Variants in PPIG observed in about 807,000 individuals in gnomAD.
PPIG encodes the protein peptidyl-prolyl cis-trans isomerase G.
A neutral mutation model predicts 87.9 loss-of-function variants in PPIG; 26 were observed. The observed-to-expected ratio is 0.30, with a 90% CI of 0.22 to 0.41. The LOEUF (loss-of-function observed/expected upper bound fraction) is 0.41. Among genes scored for constraint, PPIG ranks in the 10% least tolerant of loss-of-function variants. The pLI is 1.00. For missense variants in PPIG, 722 were observed against 879.4 expected, an observed-to-expected ratio of 0.82 and a Z score of 2.26; for synonymous variants, 308 against 276.5, an observed-to-expected ratio of 1.11 and a Z score of -1.13.
rs1359486183 is a variant in PPIG, at chr2:169,637,426, A to C, written c.2168A>C (p.Gln723Pro). 1 of 1,612,722 alleles carries C rather than the reference A, an allele frequency of 6.2e-7. No individual in the cohort carries two copies. Reference protein sequence around the residue: ...KIRSSVEKENQKSKGQENDHV... With the variant: ...KIRSSVEKENPKSKGQENDHV... ...AGATCCTCAGTGGAAAAAGAAAACC[A>C]AAAATCAAAAGGTCAAGAAAATGAC... Residue 723 changes from glutamine (Q) to proline (P), a missense_variant, in exon 14 of 14, where the codon CAA becomes CCA. Gln to Pro is a moderately conservative substitution (Grantham distance 76, BLOSUM62 -1). Transcript: ENST00000260970.
chr2:169,594,785 C>A (rs115248766), intron 1 of PPIG, among the ~76,000 whole-genome samples: 2 of 151,790 alleles, frequency 1.3e-5, no homozygotes, highest in Admixed American at 6.6e-5. Flanking sequence ...TCACTACGCT[C>A]AGCTAATTTT....
At position 169,638,537 on chromosome 2, in the gene PPIG, A is replaced by T. The variant is rs1686242563; in HGVS notation, c.*1014A>T. The T allele has an allele frequency of 6.6e-6, 1 of 151,960 alleles. No homozygotes were observed. Among genetic ancestry groups the T allele is most frequent in the African/African-American group, 2.4e-5 (1 of 41,406 alleles). 9.4% of individuals were successfully genotyped at this position (151,960 alleles called of 1,614,324 possible). On this transcript the variant is annotated 3_prime_UTR_variant, in exon 14 of 14. Transcript: ENST00000260970. ...TTGAACTGACTTCTCTAACTCTCAT[A>T]GCTGTGAGTTCCAAATGGCAAGAAA...
At chr2:169,627,772 A>T (rs1200918776) in intron 9 of PPIG, among the ~76,000 whole-genome samples, 3 of 140,702 alleles carry the variant, frequency 2.1e-5, no homozygotes, top group Non-Finnish European at 4.5e-5. Context: ...ATCAACTGTG[A>T]TGTATTTCTC....
Position 169,606,072 on chromosome 2 carries a change from C to A in PPIG, c.170C>A (p.Pro57Gln), listed in dbSNP as rs1374227872. 6.2e-7 allele frequency: 1 copy of A among 1,613,018 alleles called. No homozygotes were observed. Among genetic ancestry groups the A allele is most frequent in the South Asian group, 1.1e-5 (1 of 91,062 alleles). The part of the protein sequence containing the change: ...EKGTGKSTQK[P>Q]LHYKSCLFHR... ...GGGACCGGGAAATCAACTCAGAAAC[C>A]ATTACATTATAAGAGTTGTCTCTTT... is the stretch of plus-strand genomic sequence containing the variant. The change falls in exon 5 of 14, where the codon CCA becomes CAA. Residue 57 changes from proline to glutamine, a missense_variant. This residue lies in a region of PPIG where 99 missense variants were observed against 215.8 expected (regional missense o/e 0.46). Transcript: ENST00000260970.
At chr2:169,605,466 G>A (rs928269825) in intron 4 of PPIG, among the ~76,000 whole-genome samples, 15 of 152,122 alleles carry the variant, frequency 9.9e-5, no homozygotes, top group Admixed American at 9.8e-4. Context: ...TCACTCCACT[G>A]CACTCCAGCC....
intron 9 of PPIG, among the ~76,000 whole-genome samples, chr2:169,622,508 C>T (rs1685783654): frequency 6.6e-6 from 1 of 152,198 alleles, no homozygotes; most frequent in Non-Finnish European, 1.5e-5. Context: ...GTTGATGTAA[C>T]ATCCAACTGT....
In PPIG at chr2:169,614,475, C is replaced by T; in HGVS notation, c.389C>T (p.Pro130Leu). Residue 130 changes from proline (P) to leucine (L), a missense_variant, in exon 8 of 14, where the codon CCA becomes CTA. This residue lies in a region of PPIG where 99 missense variants were observed against 215.8 expected (regional missense o/e 0.46). Coordinates refer to ENST00000260970, the MANE Select transcript of PPIG (RefSeq NM_004792.3). ...NGSQFFITTK[P>L]TPHLDGHHVV... ...ATGATTTCCAAAAGAACAACGAAAC[C>T]AACTCCTCATTTAGATGGGTAAATA... 1 of 1,563,064 alleles carries T rather than the reference C, an allele frequency of 6.4e-7. No individual in the cohort carries two copies. Among genetic ancestry groups the T allele is most frequent in the African/African-American group, 1.4e-5 (1 of 73,028 alleles).
At chr2:169,598,815 T>G (rs7581897) in intron 1 of PPIG, among the ~76,000 whole-genome samples, 22,779 of 104,008 alleles carry the variant, frequency 0.22, 1,876 homozygotes, top group African/African-American at 0.26. Context: ...ATATTTATAT[T>G]TATATAAATA....
rs750137294 is a variant in PPIG at position 169,638,996 on chromosome 2, A to G, written c.*1473A>G. On this transcript the variant is annotated 3_prime_UTR_variant, in exon 14 of 14. Transcript: ENST00000260970. ...TCTTGGTAAATCCAGTAGCTACTCA[A>G]TGCTATTTGTACTGAATAAAGCAAT... The G allele has an allele frequency of 6.6e-6, 1 of 152,026 alleles. No individual in the cohort carries two copies. The highest frequency in any genetic ancestry group is 6.6e-5 in the Admixed American group (1 of 15,242). The allele number at this position is 152,026 out of a possible 1,614,324, so 9.4% of individuals were successfully genotyped here.
intron 9 of PPIG, among the ~76,000 whole-genome samples, chr2:169,627,655 G>A (rs1224175039): frequency 1.3e-5 from 2 of 148,170 alleles, no homozygotes; most frequent in Admixed American, 1.3e-4. Flanking sequence ...GCCTCCCAAA[G>A]TGCTGGAATT....
At chr2:169,617,102 A>G (rs1208271221) in intron 9 of PPIG, among the ~76,000 whole-genome samples, 4 of 152,176 alleles carry the variant, frequency 2.6e-5, no homozygotes, top group Admixed American at 2.0e-4. Context: ...TCCTAACACC[A>G]TTTACTAAAT....
At chr2:169,593,142 AT>A (rs1367594157) in intron 1 of PPIG, among the ~76,000 whole-genome samples, 8 of 150,992 alleles carry the variant, frequency 5.3e-5, no homozygotes, top group African/African-American at 2.0e-4. Flanking sequence ...ATATATATAT[AT>A]CTTAGGAATT....
Position 169,636,559 on chromosome 2 carries a change from AAGAG to A in PPIG, c.1307_1310del (p.Arg436ThrfsTer16). On this transcript the variant is annotated frameshift_variant, in exon 14 of 14. Transcript: ENST00000260970. LOFTEE classifies it high-confidence loss of function. ...GTTAAAGACCATAAATCTAACAGCA[AAGAG>A]AGAGACATCAGAAGAAATTCAGAAA... 6.2e-7 allele frequency: 1 copy of A among 1,606,512 alleles called. No individual in the cohort carries two copies. The highest frequency in any genetic ancestry group is 8.5e-7 in the Non-Finnish European group (1 of 1,178,264).
At chr2:169,597,024 C>G (rs1685038519) in intron 1 of PPIG, among the ~76,000 whole-genome samples, 1 of 125,498 alleles carries the variant, frequency 8.0e-6, no homozygotes, top group Non-Finnish European at 1.8e-5. Context: ...ATCTGGTAAT[C>G]TGTTGATAGA....
rs1685071931 is a variant in PPIG at position 169,598,053 on chromosome 2, T to C, written c.-69-5589T>C. The stretch of plus-strand genomic sequence containing the variant: ...TCCCACTCTGTCGCCCAATCTGGAG[T>C]GCCATGGCACAATCTCAGCTCACTG... On this transcript the variant is annotated intron_variant, in intron 1 of 13. Transcript: ENST00000260970. Among the ~76,000 whole-genome samples, 6 of 150,070 alleles carry C rather than the reference T, an allele frequency of 4.0e-5. No homozygotes were observed. The Admixed American group carries it at 4.0e-4, about 10-fold the overall frequency.
At chr2:169,610,559 C>T (rs1344137700) in intron 7 of PPIG, among the ~76,000 whole-genome samples, 1 of 151,570 alleles carries the variant, frequency 6.6e-6, no homozygotes, top group South Asian at 2.1e-4. Context: ...TGAAGTGTCT[C>T]TCCCACCCAA....
intron 1 of PPIG, among the ~76,000 whole-genome samples, chr2:169,591,065 G>T (rs559578367): frequency 8.5e-5 from 13 of 152,168 alleles, no homozygotes; most frequent in Admixed American, 2.0e-4. Context: ...GTGCTATGCT[G>T]ACTTCCTCAT....
At chr2:169,589,162 T>G (rs1025841413) in intron 1 of PPIG, among the ~76,000 whole-genome samples, 2 of 152,146 alleles carry the variant, frequency 1.3e-5, no homozygotes, top group African/African-American at 2.4e-5. Flanking sequence ...ATGGGTTATC[T>G]CTGTAAGTTT....
chr2:169,586,764 C>G (rs1039617788), intron 1 of PPIG, among the ~76,000 whole-genome samples: 2 of 152,034 alleles, frequency 1.3e-5, no homozygotes, highest in African/African-American at 4.8e-5. Context: ...TTTTTCCTTC[C>G]TATTAGTTTA....
Sources: allele counts gnomAD v4.1 joint callset (sites outside exome capture counted in the v4.1 genomes callset), GRCh38; gene constraint gnomAD v4.1.1; regional missense constraint gnomAD v4.1.1; transcripts MANE v1.5; gene names NCBI Gene and HGNC (gene_info 2026-07-23, HGNC 2026-07-21).